CACNA1A: variants seen among roughly 807,000 people sequenced by gnomAD.
The protein encoded by CACNA1A is voltage-dependent P/Q-type calcium channel subunit alpha-1A.
A neutral mutation model predicts 262.4 loss-of-function variants in CACNA1A; 57 were observed. The ratio of observed to expected loss-of-function variants is 0.22; its 90% CI spans 0.18 to 0.27. The LOEUF (loss-of-function observed/expected upper bound fraction) is 0.27, where lower values mean the gene tolerates loss of function less well. Among genes scored for constraint, CACNA1A ranks in the 10% least tolerant of loss-of-function variants. CACNA1A has a pLI of 1.00. For missense variants in CACNA1A, 2,526 were observed against 3,562.8 expected, an observed-to-expected ratio of 0.71 and a Z score of 7.41; for synonymous variants, 1,431 against 1,419.3, an observed-to-expected ratio of 1.01 and a Z score of -0.18.
At chr19:13,453,851 G>A (rs765792595) in intron 2 of CACNA1A, among the ~76,000 whole-genome samples, 4 of 151,832 alleles carry the variant, frequency 2.6e-5, no homozygotes, top group Non-Finnish European at 5.9e-5. Flanking sequence ...ACTTCTACTT[G>A]CTTACCAGTC....
In CACNA1A at chr19:13,235,004, G is replaced by A. The variant is rs200501726; in HGVS notation, c.5166C>T (p.Asp1722=). 44 of 1,613,532 alleles carry A rather than the reference G, an allele frequency of 2.7e-5. No homozygotes were observed. The highest frequency in any genetic ancestry group is 6.7e-5 in the East Asian group (3 of 44,888). Residue 1722 remains aspartate, a synonymous_variant, in exon 34 of 47, where the codon GAC becomes GAT. Transcript: ENST00000360228. Reference sequence around the variant, plus strand: ...GGAACTCATCTTCATCACTGTCCTCGTCCTCCACGTCGATGCCAATGTTAC... The same window carrying A: ...GGAACTCATCTTCATCACTGTCCTCATCCTCCACGTCGATGCCAATGTTAC... The part of the protein sequence containing the change: ...VFGNIGIDVE[D]EDSDEDEFQI...
At chr19:13,275,663 C>T (rs1201208832) in intron 24 of CACNA1A, 187 bp downstream of exon 24, 1 of 613,518 alleles carries the variant, frequency 1.6e-6, no homozygotes, top group East Asian at 2.8e-5. Context: ...CCTTCTCCTT[C>T]TTCCTCCATG....
At chr19:13,408,869 T>C (rs78349803) in intron 3 of CACNA1A, among the ~76,000 whole-genome samples, 5 of 152,082 alleles carry the variant, frequency 3.3e-5, no homozygotes, top group African/African-American at 1.2e-4. Flanking sequence ...GGCTCGATTG[T>C]GTTGTAGGAT....
intron 3 of CACNA1A, among the ~76,000 whole-genome samples, chr19:13,430,129 G>A (rs1459605571): frequency 1.3e-5 from 2 of 151,966 alleles, no homozygotes; most frequent in Non-Finnish European, 2.9e-5. Flanking sequence ...ACAACAATAT[G>A]AATGTACTTA....
chr19:13,464,172 G>A (rs1478694316), intron 1 of CACNA1A, among the ~76,000 whole-genome samples: 1 of 152,186 alleles, frequency 6.6e-6, no homozygotes, highest in African/African-American at 2.4e-5. Context: ...AGGATCGCTT[G>A]AGGCCAGGAG....
chr19:13,337,385 C>T (rs1191475920), intron 6 of CACNA1A, among the ~76,000 whole-genome samples: 1 of 152,096 alleles, frequency 6.6e-6, no homozygotes, highest in Non-Finnish European at 1.5e-5. Flanking sequence ...CTGAGCTCTG[C>T]CTTTGTTTAA....
chr19:13,340,944 C>A (rs2058667648), intron 6 of CACNA1A, among the ~76,000 whole-genome samples: 1 of 152,144 alleles, frequency 6.6e-6, no homozygotes, highest in African/African-American at 2.4e-5. Context: ...CAGTGGCTCA[C>A]ATCTGCAGTC....
At chr19:13,398,210 C>T (rs1019524563) in intron 3 of CACNA1A, among the ~76,000 whole-genome samples, 4 of 150,008 alleles carry the variant, frequency 2.7e-5, no homozygotes, top group African/African-American at 9.9e-5. Context: ...TGCAGTGAGC[C>T]GAGACTGGGC....
At chr19:13,443,465 C>G (rs781065258) in intron 3 of CACNA1A, among the ~76,000 whole-genome samples, 7 of 152,090 alleles carry the variant, frequency 4.6e-5, no homozygotes, top group Non-Finnish European at 7.4e-5. Context: ...CCTCAGCCTC[C>G]TCATTAGCTG....
chr19:13,210,744 T>C (rs2054782333), intron 43 of CACNA1A, 92 bp from the exon 44 acceptor site: 2 of 1,305,524 alleles, frequency 1.5e-6, no homozygotes, highest in Non-Finnish European at 2.2e-6. Context: ...AGGTGGTGCA[T>C]GGAGAAGAAG....
At chr19:13,462,023 G>A (rs1053995277) in intron 1 of CACNA1A, among the ~76,000 whole-genome samples, 19 of 152,196 alleles carry the variant, frequency 1.2e-4, no homozygotes, top group Admixed American at 3.9e-4. Flanking sequence ...TTGACTCTGC[G>A]TAGGGAAGAA....
In CACNA1A at chr19:13,214,995, TG is replaced by T; in HGVS notation, c.5732-388del. 1.3e-4 allele frequency: 1 copy of T among 7,434 alleles called. No individual in the cohort carries two copies. The highest frequency in any genetic ancestry group is 2.3e-4 in the Non-Finnish European group (1 of 4,302). 0.5% of individuals were successfully genotyped at this position (7,434 alleles called of 1,614,324 possible). A position where few individuals can be genotyped will look rare whatever the true frequency, so the allele number is the denominator to read the frequency against. On this transcript the variant is annotated intron_variant, in intron 38 of 46. Transcript: ENST00000360228. The surrounding 1 kb of genome is among the most constrained non-coding windows in gnomAD (Gnocchi z 4.1). The stretch of plus-strand genomic sequence containing the variant: ...AAGAGTACTTGCCTCACCTGGTTGT[TG>T]TGTGTGTGTGTGTGTGTTTTTTTTT...
At chr19:13,382,019 G>A (rs1332302305) in intron 3 of CACNA1A, among the ~76,000 whole-genome samples, 3 of 152,122 alleles carry the variant, frequency 2.0e-5, no homozygotes. Flanking sequence ...TTGAGGAGGA[G>A]GCAACTGCAT....
At chr19:13,309,477 G>GAGCCCAGGAGTTCA (rs2057972506) in intron 12 of CACNA1A, among the ~76,000 whole-genome samples, 1 of 151,332 alleles carries the variant, frequency 6.6e-6, no homozygotes, top group Admixed American at 6.6e-5. Flanking sequence ...CAGATCACTT[G>GAGCCCAGGAGTTCA]AGCCCAGGAG....
chr19:13,246,374 T>A (rs952299050), intron 30 of CACNA1A, among the ~76,000 whole-genome samples: 15 of 152,152 alleles, frequency 9.9e-5, no homozygotes, highest in Admixed American at 2.0e-4. Context: ...CTGGTCAGTG[T>A]TGGACTCTCT....
At position 13,446,632 on chromosome 19, in the gene CACNA1A, T is replaced by G. The variant is rs190434570; in HGVS notation, c.539+6244A>C. ...AGGCTTTTTTTTTTTTTTTTTTGTATTTTTAGTACAGATGGGGTTTCACCA... is the reference window on the plus strand; with the variant it reads ...AGGCTTTTTTTTTTTTTTTTTTGTAGTTTTAGTACAGATGGGGTTTCACCA... On this transcript the variant is annotated intron_variant, in intron 3 of 46. Transcript: ENST00000360228. Among the ~76,000 whole-genome samples, 434 of 148,602 alleles carry G rather than the reference T, an allele frequency of 2.9e-3. 1 individual carries two copies. Among genetic ancestry groups the G allele is most frequent in the African/African-American group, 0.01 (403 of 40,140 alleles).
chr19:13,235,615 T>C lies in CACNA1A; in HGVS notation c.5066A>G (p.Lys1689Arg). Residue 1689 changes from lysine (K) to arginine (R), a missense_variant and splice_region_variant, in exon 32 of 47, where the codon AAG (lysine) becomes AGG (arginine). Around this residue, in one of 17 missense-constraint regions of CACNA1A, gnomAD observed 66 missense variants for 195.8 expected, o/e 0.34. Coordinates refer to ENST00000360228, the MANE Select transcript of CACNA1A (RefSeq NM_001127222.2). ...CCAGCAGCAGGGACGAGGACTCACC[T>C]TGAAGGACTGCACAAAGGTCCAGAG... is the stretch of plus-strand genomic sequence containing the variant. Reference protein sequence around the residue: ...ILLWTFVQSFKALPYVCLLIA... With the variant: ...ILLWTFVQSFRALPYVCLLIA... 1 of 1,608,234 alleles carries C rather than the reference T, an allele frequency of 6.2e-7. No homozygotes were observed. Among genetic ancestry groups the C allele is most frequent in the Non-Finnish European group, 8.5e-7 (1 of 1,174,678 alleles).
chr19:13,229,820 G>C (rs1223726630), intron 36 of CACNA1A: 1 of 358,536 alleles, frequency 2.8e-6, no homozygotes, highest in Non-Finnish European at 5.1e-6. Flanking sequence ...AGGAGGAGAG[G>C]GCTCTTCAGG....
intron 6 of CACNA1A, among the ~76,000 whole-genome samples, chr19:13,351,252 A>G (rs1205536140): frequency 6.6e-6 from 1 of 152,224 alleles, no homozygotes; most frequent in Non-Finnish European, 1.5e-5. Flanking sequence ...TGAAGTTTAC[A>G]TACTTTAAAT....
Sources: gnomAD v4.1 joint callset for allele counts (sites outside exome capture counted in the v4.1 genomes callset) on GRCh38, gnomAD v4.1.1 for gene constraint, gnomAD v4.1.1 regional missense constraint, Gnocchi (gnomAD v3.1) non-coding constraint, MANE v1.5 for transcripts, NCBI Gene and HGNC (gene_info 2026-07-23, HGNC 2026-07-21) for gene names.